The following PACSIN2 variants were observed in gnomAD, a reference collection of about 807,000 sequenced individuals.
PACSIN2 encodes protein kinase C and casein kinase substrate in neurons protein 2.
A neutral mutation model predicts 63.8 loss-of-function variants in PACSIN2; 25 were observed. The observed-to-expected ratio is 0.39, with a 90% CI of 0.29 to 0.55. PACSIN2 has a LOEUF of 0.55. PACSIN2 is among the 20% of genes least tolerant of loss of function. The pLI, the probability that PACSIN2 is intolerant of heterozygous loss-of-function variation, is 0.62. For synonymous variants in PACSIN2, 255 were observed against 256.2 expected (o/e 1.00, Z 0.05); for missense variants, 518 against 646.9 (o/e 0.80, Z 2.16).
intron 1 of PACSIN2, among the ~76,000 whole-genome samples, chr22:43,005,220 C>T (rs1924018144): frequency 6.6e-6 from 1 of 152,212 alleles, no homozygotes; most frequent in Non-Finnish European, 1.5e-5. Flanking sequence ...TATTTCCCAT[C>T]ACCTAGGGAT....
chr22:42,960,896 C>A (rs1201068158), intron 1 of PACSIN2, among the ~76,000 whole-genome samples: 1 of 152,144 alleles, frequency 6.6e-6, no homozygotes, highest in Non-Finnish European at 1.5e-5. Context: ...AATACAGACA[C>A]TACAGGAAAG....
At chr22:42,924,413 T>C (rs1191778942) in intron 1 of PACSIN2, among the ~76,000 whole-genome samples, 2 of 152,240 alleles carry the variant, frequency 1.3e-5, no homozygotes, top group Non-Finnish European at 2.9e-5. Context: ...TGCTGCATGC[T>C]TTCTCAATGC....
At chr22:42,885,805 G>T (rs1245277823) in intron 5 of PACSIN2, among the ~76,000 whole-genome samples, 1 of 152,130 alleles carries the variant, frequency 6.6e-6, no homozygotes, top group Non-Finnish European at 1.5e-5. Flanking sequence ...TCCTAAGATG[G>T]CTGGGCTTGG....
chr22:42,916,478 A>G (rs1931816971), intron 1 of PACSIN2, among the ~76,000 whole-genome samples: 1 of 152,102 alleles, frequency 6.6e-6, no homozygotes, highest in Non-Finnish European at 1.5e-5. Context: ...ACAACTCCCA[A>G]GTCCCCTCTC....
At chr22:43,010,355 A>G (rs1040777044) in intron 1 of PACSIN2, among the ~76,000 whole-genome samples, 1 of 146,544 alleles carries the variant, frequency 6.8e-6, no homozygotes, top group Non-Finnish European at 1.5e-5. Flanking sequence ...CCTGGCAAAC[A>G]TGGCGGAATC....
chr22:42,920,309 A>C (rs554134993), intron 1 of PACSIN2, among the ~76,000 whole-genome samples: 1 of 152,270 alleles, frequency 6.6e-6, no homozygotes, highest in Admixed American at 6.5e-5. Context: ...ATGAATCAGA[A>C]GCATGCCATC....
intron 1 of PACSIN2, among the ~76,000 whole-genome samples, chr22:42,979,952 T>C (rs1289362129): frequency 6.6e-6 from 1 of 152,176 alleles, no homozygotes; most frequent in African/African-American, 2.4e-5. Context: ...CGCACATACA[T>C]ACAATACACA....
rs1410179302 is a variant in PACSIN2 at position 42,916,950 on chromosome 22, C to T, written c.-77-4793G>A. Reference sequence around the variant, plus strand: ...GATTTTTGTTTTCCTGTCATTGTTGCTACTGGGATAAGCACTTTTGGTGAC... The same window carrying T: ...GATTTTTGTTTTCCTGTCATTGTTGTTACTGGGATAAGCACTTTTGGTGAC... On this transcript the variant is annotated intron_variant, in intron 1 of 10. Coordinates refer to ENST00000263246, the MANE Select transcript of PACSIN2 (RefSeq NM_001184970.3). Among the ~76,000 whole-genome samples, 4 of 152,176 alleles carry T rather than the reference C, an allele frequency of 2.6e-5. No homozygotes were observed. The East Asian group carries it at 7.7e-4, about 29-fold the overall frequency.
At chr22:42,884,324 G>T in intron 6 of PACSIN2, 62 bp downstream of exon 6, 1 of 1,486,932 alleles carries the variant, frequency 6.7e-7, no homozygotes, top group Non-Finnish European at 9.2e-7. Context: ...ATCTGAGTTT[G>T]CTTCAAAAGC....
intron 2 of PACSIN2, among the ~76,000 whole-genome samples, chr22:42,896,027 T>C (rs1326247428): frequency 2.0e-5 from 3 of 151,484 alleles, no homozygotes; most frequent in South Asian, 2.1e-4. Flanking sequence ...TAGGTCGAGA[T>C]GGAATCTACA....
At chr22:42,965,198 G>A (rs1161393517) in intron 1 of PACSIN2, among the ~76,000 whole-genome samples, 1 of 152,206 alleles carries the variant, frequency 6.6e-6, no homozygotes, top group Non-Finnish European at 1.5e-5. Context: ...CACTGTGTGT[G>A]TCTATGTGGA....
At chr22:42,896,424 G>A (rs1930290714) in intron 2 of PACSIN2, among the ~76,000 whole-genome samples, 1 of 150,908 alleles carries the variant, frequency 6.6e-6, no homozygotes. Context: ...CTGCTAAGTA[G>A]TATTCGACTG....
chr22:42,985,295 C>T (rs1043508772), intron 1 of PACSIN2, among the ~76,000 whole-genome samples: 1 of 152,248 alleles, frequency 6.6e-6, no homozygotes, highest in African/African-American at 2.4e-5. Context: ...TCACCGCACT[C>T]CAGCACTCCA....
At chr22:42,968,261 AAAGG>A (rs1426570329) in intron 1 of PACSIN2, among the ~76,000 whole-genome samples, 1 of 152,218 alleles carries the variant, frequency 6.6e-6, no homozygotes, top group African/African-American at 2.4e-5. Context: ...TGGGGAAGGC[AAAGG>A]AAGAGTTCAA....
At chr22:42,886,942 TC>T (rs935969165) in intron 5 of PACSIN2, among the ~76,000 whole-genome samples, 4 of 152,160 alleles carry the variant, frequency 2.6e-5, no homozygotes, top group African/African-American at 9.7e-5. Context: ...AAAGGCCTCT[TC>T]CTCTCCATCT....
chr22:42,976,187 C>T (rs2146876816), intron 1 of PACSIN2, among the ~76,000 whole-genome samples: 1 of 152,360 alleles, frequency 6.6e-6, no homozygotes, highest in East Asian at 1.9e-4. Context: ...ACCTGCCAGG[C>T]TAACCCACCC....
chr22:42,949,290 C>G (rs573952539), intron 1 of PACSIN2, among the ~76,000 whole-genome samples: 2 of 152,292 alleles, frequency 1.3e-5, no homozygotes, highest in South Asian at 4.1e-4. Flanking sequence ...GCCTTCCCAG[C>G]CTTCTTGCTC....
chr22:42,905,894 A>C (rs5759021), intron 2 of PACSIN2, among the ~76,000 whole-genome samples: 97,966 of 152,056 alleles, frequency 0.64, 33,132 homozygotes, highest in African/African-American at 0.84. Flanking sequence ...CTGCTGGAAC[A>C]CAGCAGGAGA....
At chr22:42,971,822 C>T (rs1459261813) in intron 1 of PACSIN2, among the ~76,000 whole-genome samples, 1 of 151,328 alleles carries the variant, frequency 6.6e-6, no homozygotes, top group Non-Finnish European at 1.5e-5. Flanking sequence ...CCCCGCCCGG[C>T]CAGCAGCCCC....
Sources: allele counts gnomAD v4.1 joint callset (sites outside exome capture counted in the v4.1 genomes callset), GRCh38; gene constraint gnomAD v4.1.1; transcripts MANE v1.5; gene names NCBI Gene and HGNC (gene_info 2026-07-23, HGNC 2026-07-21).